Variants in CADPS observed in about 807,000 individuals in gnomAD.
The protein encoded by CADPS is calcium dependent secretion activator, also known as calcium-dependent secretion activator 1.
A neutral mutation model predicts 167.3 loss-of-function variants in CADPS; 57 were observed. The ratio of observed to expected loss-of-function variants is 0.34; its 90% confidence interval spans 0.28 to 0.42. CADPS has a LOEUF of 0.42. Ranked by LOEUF, CADPS falls within the 20% of genes least tolerant of loss-of-function variation. The probability of loss-of-function intolerance (pLI) is 1.00; values close to 1 mark genes in which losing one functional copy is unlikely to be tolerated. For synonymous variants in CADPS, 676 were observed against 635.3 expected (o/e 1.06, Z -0.96); for missense variants, 1,414 against 1,738.1 (o/e 0.81, Z 3.32).
chr3:62,853,035 T>C (rs905680221), intron 1 of CADPS, among the ~76,000 whole-genome samples: 21 of 152,318 alleles, frequency 1.4e-4, no homozygotes, highest in African/African-American at 4.8e-4. Context: ...CTACAGCCCC[T>C]AGAAAGCCCA....
chr3:62,467,267 CA>C, intron 24 of CADPS: 1 of 1,180,840 alleles, frequency 8.5e-7, no homozygotes, highest in Non-Finnish European at 1.1e-6. Context: ...CAATGCAAGA[CA>C]TTGTTATTTG....
intron 5 of CADPS, among the ~76,000 whole-genome samples, chr3:62,647,555 T>C (rs910136054): frequency 6.6e-6 from 1 of 152,234 alleles, no homozygotes; most frequent in African/African-American, 2.4e-5. Flanking sequence ...CACTTCATTT[T>C]TCTTTCAAAT....
At chr3:62,729,261 C>T (rs1031213649) in intron 3 of CADPS, among the ~76,000 whole-genome samples, 2 of 151,820 alleles carry the variant, frequency 1.3e-5, no homozygotes, top group African/African-American at 2.4e-5. Context: ...TGAGCATGAT[C>T]ACCCTCATAA....
Position 62,517,811 on chromosome 3 carries a change from T to C in CADPS, c.2393+338A>G, listed in dbSNP as rs73103003. Among the ~76,000 whole-genome samples, 1,418 of 152,318 alleles carry C rather than the reference T, an allele frequency of 9.3e-3. 20 individuals are homozygous for C. Among genetic ancestry groups the C allele is most frequent in the Non-Finnish European group, 0.012 (846 of 68,008 alleles). On this transcript the variant is annotated intron_variant, in intron 14 of 29. Coordinates refer to ENST00000383710, the MANE Select transcript of CADPS (RefSeq NM_003716.4). The stretch of plus-strand genomic sequence containing the variant: ...TAGGAGTATCACTGCCTTCCTTCCT[T>C]GTTCACCATGTTCTGATTCACAAGA...
At chr3:62,574,072 A>G (rs549806514) in intron 8 of CADPS, among the ~76,000 whole-genome samples, 63 of 152,274 alleles carry the variant, frequency 4.1e-4, no homozygotes, top group African/African-American at 1.5e-3. Context: ...TCCTTCCCAA[A>G]TGTATCCCAT....
chr3:62,539,872 G>C (rs1561866595), intron 11 of CADPS, among the ~76,000 whole-genome samples: 1 of 152,126 alleles, frequency 6.6e-6, no homozygotes, highest in Non-Finnish European at 1.5e-5. Context: ...ACAAACACTA[G>C]ATTTGAGACT....
At chr3:62,493,725 G>C in intron 18 of CADPS, 60 bp from the exon 19 acceptor site, 2 of 1,394,132 alleles carry the variant, frequency 1.4e-6, no homozygotes, top group Non-Finnish European at 2.0e-6. Flanking sequence ...GGTTGGCTTG[G>C]CTGGAAATAG....
chr3:62,437,715 A>T (rs1352086432), intron 28 of CADPS, among the ~76,000 whole-genome samples: 1 of 152,176 alleles, frequency 6.6e-6, no homozygotes, highest in East Asian at 1.9e-4. Context: ...CGCCACCCCC[A>T]GGAGAGGGAG....
At chr3:62,440,318 T>G (rs2056051730) in intron 27 of CADPS, 1 of 152,160 alleles carries the variant, frequency 6.6e-6, no homozygotes, top group Admixed American at 6.5e-5. Context: ...TAAACTTTTC[T>G]GTAAAAGAAG....
chr3:62,483,101 G>T (rs1183262352), intron 21 of CADPS, among the ~76,000 whole-genome samples: 5 of 151,984 alleles, frequency 3.3e-5, no homozygotes, highest in Admixed American at 3.3e-4. Context: ...GCACGGTAGA[G>T]CCCAGCCTAA....
intron 28 of CADPS, among the ~76,000 whole-genome samples, chr3:62,436,393 C>T (rs1373419751): frequency 6.6e-6 from 1 of 152,058 alleles, no homozygotes; most frequent in East Asian, 1.9e-4. Flanking sequence ...AGAAAGGCAA[C>T]CTAGGCATTG....
At chr3:62,831,069 C>A (rs1429045829) in intron 1 of CADPS, among the ~76,000 whole-genome samples, 1 of 152,088 alleles carries the variant, frequency 6.6e-6, no homozygotes, top group Admixed American at 6.6e-5. Flanking sequence ...GATAATAAAT[C>A]ACCACCACTT....
intron 15 of CADPS, 151 bp downstream of exon 15, chr3:62,516,429 T>C: frequency 2.7e-6 from 2 of 742,066 alleles, no homozygotes; most frequent in Non-Finnish European, 4.3e-6. Context: ...TCAAGAGTTT[T>C]GGCAGTTTCC....
chr3:62,548,147 T>A (rs2076795597), intron 11 of CADPS, among the ~76,000 whole-genome samples: 1 of 152,184 alleles, frequency 6.6e-6, no homozygotes, highest in South Asian at 2.1e-4. Flanking sequence ...GAGGTTACGA[T>A]AGGATGTGTT....
Position 62,466,410 on chromosome 3 carries a change from G to T in CADPS, c.3481C>A (p.Gln1161Lys). The change falls in exon 25 of 30, where the codon CAA (glutamine) becomes AAA (lysine). Residue 1161 changes from glutamine (Q) to lysine (K), a missense_variant. Gln to Lys is a moderately conservative substitution (Grantham distance 53, BLOSUM62 1). Coordinates refer to ENST00000383710, the MANE Select transcript of CADPS (RefSeq NM_003716.4). Reference sequence around the variant, plus strand: ...AGTTCGTCTATTTTTGAATGGTATTGATGCTAAGAACACAGAAAGACAAAT... The same window carrying T: ...AGTTCGTCTATTTTTGAATGGTATTTATGCTAAGAACACAGAAAGACAAAT... ...LCSMEMGQEH[Q>K]YHSKIDELIE... The T allele has an allele frequency of 6.3e-7, 1 of 1,598,104 alleles. No homozygotes were observed. Among genetic ancestry groups the T allele is most frequent in the Non-Finnish European group, 8.6e-7 (1 of 1,166,016 alleles).
At chr3:62,457,022 C>T (rs1181700181) in intron 26 of CADPS, among the ~76,000 whole-genome samples, 5 of 152,106 alleles carry the variant, frequency 3.3e-5, no homozygotes, top group South Asian at 2.1e-4. Flanking sequence ...ACACTAACTT[C>T]CAGACAGTAG....
rs532646213 is a variant in CADPS at position 62,823,792 on chromosome 3, G to A, written c.441+50797C>T. ...TCATCCATGATGTCTTTGAATAAAG[G>A]AAAGCAATTACTATTTCAATTCCTG... On this transcript the variant is annotated intron_variant, in intron 1 of 29. Transcript: ENST00000383710. 5.3e-5 allele frequency among the ~76,000 whole-genome samples: 8 copies of A among 152,228 alleles called. No homozygotes were observed. In the South Asian group the frequency reaches 8.3e-4, roughly 16 times the overall value.
At chr3:62,674,196 G>A (rs2076001146) in intron 3 of CADPS, among the ~76,000 whole-genome samples, 1 of 152,096 alleles carries the variant, frequency 6.6e-6, no homozygotes, top group Non-Finnish European at 1.5e-5. Context: ...AAAACATTCA[G>A]ATCTGTAAAT....
chr3:62,640,342 T>C (rs1267318672), intron 6 of CADPS, among the ~76,000 whole-genome samples: 1 of 152,158 alleles, frequency 6.6e-6, no homozygotes, highest in Non-Finnish European at 1.5e-5. Context: ...TTTTCTGACT[T>C]TGTAACTGAC....
Sources: allele counts gnomAD v4.1 joint callset (sites outside exome capture counted in the v4.1 genomes callset), GRCh38; gene constraint gnomAD v4.1.1; transcripts MANE v1.5; gene names NCBI Gene and HGNC (gene_info 2026-07-23, HGNC 2026-07-21).